The following RANBP17 variants were observed in gnomAD, a reference collection of about 807,000 sequenced individuals.
RANBP17 encodes RAN binding protein 17, also known as ran-binding protein 17.
In RANBP17, 158 loss-of-function variants were observed where a neutral mutation model predicts 141.2. The ratio of observed to expected loss-of-function variants is 1.12; its 90% CI spans 0.98 to 1.28. The LOEUF (loss-of-function observed/expected upper bound fraction) is 1.28, where lower values mean the gene tolerates loss of function less well. RANBP17 is among the 50% of genes most tolerant of loss of function. The pLI, the probability that RANBP17 is intolerant of heterozygous loss-of-function variation, is 0.00. For missense variants in RANBP17, 1,438 were observed against 1,290.7 expected (o/e 1.11, Z -1.75); for synonymous variants, 430 against 450.0 (o/e 0.96, Z 0.56).
At chr5:171,135,986 T>C (rs1244108393) in intron 14 of RANBP17, among the ~76,000 whole-genome samples, 1 of 152,188 alleles carries the variant, frequency 6.6e-6, no homozygotes, top group Non-Finnish European at 1.5e-5. Flanking sequence ...AAATAATCAG[T>C]CAAAGGCTGA....
rs748957326 is a variant in RANBP17 at position 170,878,079 on chromosome 5, A to AT, written c.19-9dup. On this transcript the variant is annotated splice_polypyrimidine_tract_variant and intron_variant, in intron 1 of 27. Coordinates refer to ENST00000523189, the MANE Select transcript of RANBP17 (RefSeq NM_022897.5). The stretch of plus-strand genomic sequence containing the variant: ...TTTTTTTCATTGAAGTAAAATGTTA[A>AT]TTTTTTTTTCTTTGAAGAGTTTGGC... 3.4e-4 allele frequency: 516 copies of AT among 1,512,284 alleles called. No homozygotes were observed. The highest frequency in any genetic ancestry group is 9.5e-4 in the South Asian group (72 of 75,926). The allele number at this position is 1,512,284 out of a possible 1,614,324, so 93.7% of individuals were successfully genotyped here. A position where few individuals can be genotyped will look rare whatever the true frequency, so the allele number is the denominator to read the frequency against.
chr5:171,226,702 C>T (rs1763903347), intron 22 of RANBP17, among the ~76,000 whole-genome samples: 1 of 152,156 alleles, frequency 6.6e-6, no homozygotes, highest in Non-Finnish European at 1.5e-5. Flanking sequence ...GCCACCTTGA[C>T]CAGAACCACC....
chr5:170,965,215 C>G (rs913561688), intron 13 of RANBP17, among the ~76,000 whole-genome samples: 3 of 149,574 alleles, frequency 2.0e-5, no homozygotes, highest in African/African-American at 7.3e-5. Flanking sequence ...AGTATCTGTT[C>G]ATGTCTTTTG....
chr5:171,084,216 T>G (rs1343150785), intron 14 of RANBP17, among the ~76,000 whole-genome samples: 1 of 149,428 alleles, frequency 6.7e-6, no homozygotes, highest in Non-Finnish European at 1.5e-5. Context: ...GCAGTGTTTG[T>G]TTTTTTGTTC....
At chr5:170,966,385 C>A (rs1776566117) in intron 13 of RANBP17, among the ~76,000 whole-genome samples, 1 of 152,144 alleles carries the variant, frequency 6.6e-6, no homozygotes, top group Non-Finnish European at 1.5e-5. Context: ...AAGGCTGGTT[C>A]AATATACGCA....
At chr5:171,271,949 C>A (rs1561818444) in intron 25 of RANBP17, among the ~76,000 whole-genome samples, 2 of 152,006 alleles carry the variant, frequency 1.3e-5, no homozygotes, top group Admixed American at 1.3e-4. Flanking sequence ...ACCTAAATGC[C>A]CATCAGTGGT....
rs1483097927 is a variant in RANBP17 at position 170,924,566 on chromosome 5, A to G, written c.1468+16A>G. 6.6e-7 allele frequency: 1 copy of G among 1,505,938 alleles called. No individual in the cohort carries two copies. Among genetic ancestry groups the G allele is most frequent in the East Asian group, 2.3e-5 (1 of 43,828 alleles). The allele number at this position is 1,505,938 out of a possible 1,614,324, so 93.3% of individuals were successfully genotyped here. A position where few individuals can be genotyped will look rare whatever the true frequency, so the allele number is the denominator to read the frequency against. On this transcript the variant is annotated intron_variant, in intron 12 of 27. Coordinates refer to ENST00000523189, the MANE Select transcript of RANBP17 (RefSeq NM_022897.5). Reference sequence around the variant, plus strand: ...ATTCAGGAAGGTCAGTAAACTTTATATGACTACTGAGTATTATGTTGAATA... The same window carrying G: ...ATTCAGGAAGGTCAGTAAACTTTATGTGACTACTGAGTATTATGTTGAATA...
intron 14 of RANBP17, among the ~76,000 whole-genome samples, chr5:171,000,260 G>C (rs893825837): frequency 6.6e-6 from 1 of 152,124 alleles, no homozygotes; most frequent in East Asian, 1.9e-4. Context: ...TAGAATTGCT[G>C]CATCATGGGT....
chr5:170,890,288 T>A (rs1416271666), intron 3 of RANBP17, among the ~76,000 whole-genome samples: 2 of 152,184 alleles, frequency 1.3e-5, no homozygotes, highest in Non-Finnish European at 2.9e-5. Flanking sequence ...TCTTCTTATG[T>A]TTTGTTATTG....
intron 14 of RANBP17, among the ~76,000 whole-genome samples, chr5:171,001,213 T>A (rs1358954519): frequency 6.6e-6 from 1 of 151,836 alleles, no homozygotes; most frequent in African/African-American, 2.4e-5. Context: ...GAAGAAAGAT[T>A]TTGGGGTAAG....
chr5:171,136,455 C>CT (rs1757291356), intron 14 of RANBP17, among the ~76,000 whole-genome samples: 1 of 151,634 alleles, frequency 6.6e-6, no homozygotes, highest in South Asian at 2.1e-4. Context: ...GCTAGAGTCT[C>CT]TAATTCTGTC....
chr5:171,233,909 A>G (rs985433422), intron 22 of RANBP17, among the ~76,000 whole-genome samples: 15 of 152,372 alleles, frequency 9.8e-5, no homozygotes, highest in Admixed American at 3.3e-4. Context: ...TGATATGTCA[A>G]TATAGGTCCA....
chr5:170,964,369 T>C lies in RANBP17; in HGVS notation c.1575-3873T>C, dbSNP rs543940071. On this transcript the variant is annotated intron_variant, in intron 13 of 27. Coordinates refer to ENST00000523189, the MANE Select transcript of RANBP17 (RefSeq NM_022897.5). Reference sequence around the variant, plus strand: ...TTGAAAATATTATGGTGTATTCATATAATGGAATGTTTTTTTGTTGTTGTT... The same window carrying C: ...TTGAAAATATTATGGTGTATTCATACAATGGAATGTTTTTTTGTTGTTGTT... 9.9e-5 allele frequency among the ~76,000 whole-genome samples: 15 copies of C among 151,924 alleles called. 1 individual carries two copies. The South Asian group carries it at 2.9e-3, about 29-fold the overall frequency.
At chr5:171,145,612 C>T (rs536043544) in intron 14 of RANBP17, among the ~76,000 whole-genome samples, 1 of 152,134 alleles carries the variant, frequency 6.6e-6, no homozygotes, top group Non-Finnish European at 1.5e-5. Context: ...TTTTTATCAG[C>T]GCAATAGAGA....
chr5:171,024,570 A>G (rs1281477857), intron 14 of RANBP17, among the ~76,000 whole-genome samples: 1 of 152,052 alleles, frequency 6.6e-6, no homozygotes, highest in Non-Finnish European at 1.5e-5. Context: ...TACATTACTT[A>G]TAAACCTGGT....
intron 14 of RANBP17, among the ~76,000 whole-genome samples, chr5:171,002,898 T>G (rs562852804): frequency 1.9e-4 from 29 of 152,158 alleles, no homozygotes; most frequent in African/African-American, 7.0e-4. Flanking sequence ...GAGGCCGGAT[T>G]GAAGTCTGGG....
chr5:171,219,681 T>C (rs991138728), intron 21 of RANBP17, among the ~76,000 whole-genome samples: 1 of 151,960 alleles, frequency 6.6e-6, no homozygotes, highest in African/African-American at 2.4e-5. Context: ...CTTGATCGAT[T>C]TGGCTATTGA....
intron 25 of RANBP17, among the ~76,000 whole-genome samples, chr5:171,270,537 A>G (rs1217181631): frequency 2.0e-5 from 3 of 152,198 alleles, no homozygotes; most frequent in Admixed American, 6.5e-5. Context: ...CTGATCTGCT[A>G]CAATAATTCG....
At chr5:170,965,955 T>G (rs1381930853) in intron 13 of RANBP17, among the ~76,000 whole-genome samples, 2 of 152,160 alleles carry the variant, frequency 1.3e-5, no homozygotes, top group East Asian at 3.9e-4. Context: ...GGTAGCTTGA[T>G]GGGGATGGCA....
Sources: gnomAD v4.1 joint callset for allele counts (sites outside exome capture counted in the v4.1 genomes callset) on GRCh38, gnomAD v4.1.1 for gene constraint, MANE v1.5 for transcripts, NCBI Gene and HGNC (gene_info 2026-07-23, HGNC 2026-07-21) for gene names.